FSTL4: variants seen among roughly 807,000 people sequenced by gnomAD.
The protein encoded by FSTL4 is follistatin-related protein 4.
FSTL4 carries 28 observed loss-of-function variants against 78.2 expected under a neutral mutation model. That is an observed-to-expected ratio of 0.36 (90% CI 0.27 to 0.49). The LOEUF (loss-of-function observed/expected upper bound fraction) is 0.49. Ranked by LOEUF, FSTL4 falls within the 20% of genes least tolerant of loss-of-function variation. The pLI, the probability that FSTL4 is intolerant of heterozygous loss-of-function variation, is 0.98. For synonymous variants in FSTL4, 422 were observed against 440.5 expected, an observed-to-expected ratio of 0.96 and a Z score of 0.53; for missense variants, 922 against 1,084.9, an observed-to-expected ratio of 0.85 and a Z score of 2.11.
chr5:133,714,782 C>G, the FSTL4 span, among the ~76,000 whole-genome samples: 1 of 152,166 alleles, frequency 6.6e-6, no homozygotes, highest in Non-Finnish European at 1.5e-5. Context: ...ATGTGTTACC[C>G]CAGCGTCATT....
chr5:133,407,666 CAA>C (rs1361400761), intron 3 of FSTL4, among the ~76,000 whole-genome samples: 1 of 152,162 alleles, frequency 6.6e-6, no homozygotes, highest in Admixed American at 6.5e-5. Flanking sequence ...TCAATTCTGC[CAA>C]AAGAGTTTCT....
the FSTL4 span, among the ~76,000 whole-genome samples, chr5:133,764,887 T>C: frequency 6.6e-6 from 1 of 152,036 alleles, no homozygotes; most frequent in East Asian, 1.9e-4. Flanking sequence ...CATTCTGGAA[T>C]GTGAACTAAC....
the FSTL4 span, among the ~76,000 whole-genome samples, chr5:133,761,777 C>G: frequency 2.0e-5 from 3 of 152,126 alleles, no homozygotes; most frequent in Non-Finnish European, 2.9e-5. Flanking sequence ...GTAATGATGG[C>G]ATTTAACCCA....
At chr5:133,349,027 T>C (rs1007416715) in intron 4 of FSTL4, among the ~76,000 whole-genome samples, 2 of 152,208 alleles carry the variant, frequency 1.3e-5, no homozygotes, top group African/African-American at 2.4e-5. Flanking sequence ...CCAGGGCTTG[T>C]GTGGTTTCTA....
At chr5:133,208,458 C>T (rs1302881663) in intron 14 of FSTL4, 4 of 151,816 alleles carry the variant, frequency 2.6e-5, no homozygotes, top group Non-Finnish European at 4.4e-5. Flanking sequence ...TTGTAGATTC[C>T]TTTTAATCTA....
At chr5:133,286,149 T>A (rs1185416295) in intron 6 of FSTL4, among the ~76,000 whole-genome samples, 4 of 152,226 alleles carry the variant, frequency 2.6e-5, no homozygotes, top group African/African-American at 9.7e-5. Context: ...GGAGCCTGGG[T>A]TCTAATCCCA....
the FSTL4 span, among the ~76,000 whole-genome samples, chr5:133,712,553 T>G: frequency 6.6e-6 from 1 of 152,330 alleles, no homozygotes; most frequent in African/African-American, 2.4e-5. Context: ...AAGTGGGGAT[T>G]AATGAGTTAA....
chr5:133,592,852 GC>G (rs1280167995), intron 2 of FSTL4, among the ~76,000 whole-genome samples: 4 of 152,154 alleles, frequency 2.6e-5, no homozygotes, highest in African/African-American at 9.7e-5. Context: ...CTGGGGCCAT[GC>G]TTCTTGTACA....
At chr5:133,589,341 C>A (rs1168407850) in intron 2 of FSTL4, among the ~76,000 whole-genome samples, 1 of 149,340 alleles carries the variant, frequency 6.7e-6, no homozygotes, top group Non-Finnish European at 1.5e-5. Context: ...AGGGAGACTG[C>A]TGTGGTCAAC....
chr5:133,820,199 A>G, the FSTL4 span, among the ~76,000 whole-genome samples: 1 of 152,152 alleles, frequency 6.6e-6, no homozygotes, highest in Non-Finnish European at 1.5e-5. Context: ...AGAGCAGCAC[A>G]GCTTCCCCGG....
At chr5:133,742,784 TGTGGGCTCTGTGGTG>T in the FSTL4 span, among the ~76,000 whole-genome samples, 1 of 152,040 alleles carries the variant, frequency 6.6e-6, no homozygotes, top group Non-Finnish European at 1.5e-5. Context: ...TGGAGACCCA[TGTGGGCTCTGTGGTG>T]TCCCTGAAGG....
At chr5:133,603,750 C>A (rs1022098767) in intron 2 of FSTL4, 108 bp downstream of exon 2, 2 of 1,268,834 alleles carry the variant, frequency 1.6e-6, no homozygotes, top group African/African-American at 2.9e-5. Context: ...AATTTTAATT[C>A]ACTTTGTGAT....
chr5:133,785,015 G>A, the FSTL4 span, among the ~76,000 whole-genome samples: 1 of 152,182 alleles, frequency 6.6e-6, no homozygotes, highest in African/African-American at 2.4e-5. Flanking sequence ...AGGCCATAAG[G>A]AGGATGACAA....
At chr5:133,276,650 G>A (rs1470963253) in intron 6 of FSTL4, among the ~76,000 whole-genome samples, 1 of 152,148 alleles carries the variant, frequency 6.6e-6, no homozygotes, top group Non-Finnish European at 1.5e-5. Flanking sequence ...CTTATAACAG[G>A]AGCATGTTTA....
chr5:133,481,539 CA>C (rs34556142), intron 3 of FSTL4, among the ~76,000 whole-genome samples: 517 of 65,554 alleles, frequency 7.9e-3, no homozygotes, highest in Middle Eastern at 0.017. Context: ...GAGACTGTCT[CA>C]AAAAAAAAAA....
At chr5:133,424,048 G>A (rs1031039889) in intron 3 of FSTL4, among the ~76,000 whole-genome samples, 2 of 152,208 alleles carry the variant, frequency 1.3e-5, no homozygotes, top group African/African-American at 4.8e-5. Flanking sequence ...GGCCGAGCCG[G>A]GCTCTGCAGA....
the FSTL4 span, among the ~76,000 whole-genome samples, chr5:133,626,432 A>G: frequency 6.9e-6 from 1 of 144,428 alleles, no homozygotes; most frequent in Non-Finnish European, 1.5e-5. Context: ...TTGAATCCTG[A>G]GCTCAAGCAA....
chr5:133,677,403 C>A, the FSTL4 span, among the ~76,000 whole-genome samples: 1 of 152,298 alleles, frequency 6.6e-6, no homozygotes, highest in East Asian at 1.9e-4. Context: ...TCTCATTGTC[C>A]ATGCAACAGC....
chr5:133,399,015 C>T (rs1756150881), intron 4 of FSTL4, among the ~76,000 whole-genome samples: 1 of 152,202 alleles, frequency 6.6e-6, no homozygotes, highest in South Asian at 2.1e-4. Context: ...AGCTTGTCCC[C>T]ATCACTCCTC....
Sources: gnomAD v4.1 joint callset for allele counts (sites outside exome capture counted in the v4.1 genomes callset) on GRCh38, gnomAD v4.1.1 for gene constraint, MANE v1.5 for transcripts, NCBI Gene and HGNC (gene_info 2026-07-23, HGNC 2026-07-21) for gene names.